The following ARHGAP15 variants were observed in gnomAD, a reference collection of about 807,000 sequenced individuals.
ARHGAP15 encodes the protein rho GTPase-activating protein 15.
A neutral mutation model predicts 63.7 loss-of-function variants in ARHGAP15; 51 were observed. The observed-to-expected ratio is 0.80, with a 90% CI of 0.64 to 1.01. The LOEUF (loss-of-function observed/expected upper bound fraction) is 1.01, where lower values mean the gene tolerates loss of function less well. Among genes scored for constraint, ARHGAP15 ranks in the 50% least tolerant of loss-of-function variants. The pLI is 0.00. For synonymous variants in ARHGAP15, 191 were observed against 193.8 expected (o/e 0.99, Z 0.12); for missense variants, 560 against 564.6 (o/e 0.99, Z 0.08).
chr2:143,235,371 T>TA (rs1377753959), intron 5 of ARHGAP15, among the ~76,000 whole-genome samples: 2 of 151,332 alleles, frequency 1.3e-5, no homozygotes, highest in African/African-American at 4.9e-5. Flanking sequence ...TGCAGGGGCA[T>TA]AAAAAACATG....
At chr2:143,573,047 T>C (rs1298793576) in intron 11 of ARHGAP15, among the ~76,000 whole-genome samples, 1 of 152,172 alleles carries the variant, frequency 6.6e-6, no homozygotes, top group Non-Finnish European at 1.5e-5. Context: ...AATATTCAGG[T>C]ACTTTTCATT....
intron 11 of ARHGAP15, among the ~76,000 whole-genome samples, chr2:143,559,197 C>G (rs540158750): frequency 1.3e-5 from 2 of 152,170 alleles, no homozygotes; most frequent in South Asian, 4.2e-4. Flanking sequence ...AGAAGCCATG[C>G]TAGAAACAAA....
intron 9 of ARHGAP15, among the ~76,000 whole-genome samples, chr2:143,511,838 C>G (rs1316530778): frequency 2.0e-5 from 3 of 152,200 alleles, no homozygotes; most frequent in African/African-American, 7.2e-5. Flanking sequence ...AATCCTACCA[C>G]AGCACTTAAA....
chr2:143,443,907 TCA>T (rs1690013445), intron 8 of ARHGAP15, among the ~76,000 whole-genome samples: 1 of 152,166 alleles, frequency 6.6e-6, no homozygotes, highest in Non-Finnish European at 1.5e-5. Flanking sequence ...TTCAAAACAT[TCA>T]GTTTTCAATG....
At chr2:143,581,791 C>T (rs1559063243) in intron 11 of ARHGAP15, among the ~76,000 whole-genome samples, 1 of 152,210 alleles carries the variant, frequency 6.6e-6, no homozygotes. Context: ...CCCAACTTCA[C>T]ATTCCCAGAA....
chr2:143,710,269 T>C (rs1208506323), intron 13 of ARHGAP15, among the ~76,000 whole-genome samples: 1 of 152,236 alleles, frequency 6.6e-6, no homozygotes. Context: ...CTGATCACTT[T>C]AAAGAGCTAA....
chr2:143,259,319 A>G (rs974395830), intron 6 of ARHGAP15, among the ~76,000 whole-genome samples: 2 of 152,164 alleles, frequency 1.3e-5, no homozygotes, highest in Non-Finnish European at 2.9e-5. Context: ...ATTTTCTACT[A>G]CAGTATCAAT....
intron 10 of ARHGAP15, among the ~76,000 whole-genome samples, chr2:143,555,993 G>C (rs1695779798): frequency 6.6e-6 from 1 of 152,014 alleles, no homozygotes; most frequent in African/African-American, 2.4e-5. Flanking sequence ...AAGAGAGACA[G>C]AAAGGCAGGA....
chr2:143,703,324 C>A, intron 12 of ARHGAP15, 95 bp from the exon 13 acceptor site: 1 of 845,746 alleles, frequency 1.2e-6, no homozygotes, highest in South Asian at 1.8e-5. Flanking sequence ...AGTTGCTAGT[C>A]TCAGTCCAAA....
intron 2 of ARHGAP15, among the ~76,000 whole-genome samples, chr2:143,180,193 G>T (rs550389806): frequency 1.3e-5 from 2 of 152,302 alleles, no homozygotes; most frequent in South Asian, 4.1e-4. Context: ...TTTCAAAATT[G>T]GAGGCAATCC....
intron 6 of ARHGAP15, among the ~76,000 whole-genome samples, chr2:143,353,812 G>A (rs1313212082): frequency 2.0e-5 from 3 of 152,192 alleles, no homozygotes; most frequent in African/African-American, 7.2e-5. Flanking sequence ...CTTAGGCATG[G>A]ATTTTTGTTT....
intron 13 of ARHGAP15, among the ~76,000 whole-genome samples, chr2:143,704,915 T>C (rs1398982276): frequency 6.6e-6 from 1 of 152,156 alleles, no homozygotes; most frequent in African/African-American, 2.4e-5. Context: ...AAAACTGAAA[T>C]CTGCCTACCA....
intron 9 of ARHGAP15, among the ~76,000 whole-genome samples, chr2:143,508,248 T>C (rs189022634): frequency 3.9e-5 from 6 of 152,308 alleles, no homozygotes; most frequent in Admixed American, 1.3e-4. Context: ...AGCAGCTTTA[T>C]ACACTTGCTG....
At chr2:143,253,297 A>C (rs1680255819) in intron 6 of ARHGAP15, among the ~76,000 whole-genome samples, 1 of 151,548 alleles carries the variant, frequency 6.6e-6, no homozygotes, top group South Asian at 2.1e-4. Flanking sequence ...AAAACAAACA[A>C]AAAATTGTAT....
chr2:143,390,710 G>A (rs1044050455), intron 6 of ARHGAP15, among the ~76,000 whole-genome samples: 2 of 143,526 alleles, frequency 1.4e-5, no homozygotes, highest in African/African-American at 5.3e-5. Context: ...ATATTTCCAA[G>A]TACACCCTTG....
rs10548238 is a variant in ARHGAP15, at chr2:143,389,106, CATTATTATTATTATT to C, written c.475-46479_475-46465del. Among the ~76,000 whole-genome samples, 3 of 146,062 alleles carry C rather than the reference CATTATTATTATTATT, an allele frequency of 2.1e-5. No homozygotes were observed. The East Asian group carries it at 6.0e-4, about 29-fold the overall frequency. ...TCTATTTTCTGTTCTTTTACTCAGACATTATTATTATTATTATTATTATTATTATTTTTTATTATT... is the reference window on the plus strand; with the variant it reads ...TCTATTTTCTGTTCTTTTACTCAGACATTATTATTATTATTTTTTATTATT... On this transcript the variant is annotated intron_variant, in intron 6 of 13. Transcript: ENST00000295095.
intron 8 of ARHGAP15, among the ~76,000 whole-genome samples, chr2:143,471,472 G>C (rs1434634882): frequency 6.6e-6 from 1 of 151,914 alleles, no homozygotes; most frequent in African/African-American, 2.4e-5. Flanking sequence ...ATTATTAAAA[G>C]AAGTAAAATA....
chr2:143,749,415 CTCTT>C (rs1269664978), intron 13 of ARHGAP15, among the ~76,000 whole-genome samples: 2 of 152,224 alleles, frequency 1.3e-5, no homozygotes, highest in African/African-American at 2.4e-5. Flanking sequence ...CCTTCTCTCT[CTCTT>C]TATTCCATTC....
At chr2:143,310,167 A>G (rs968134796) in intron 6 of ARHGAP15, among the ~76,000 whole-genome samples, 6 of 152,012 alleles carry the variant, frequency 3.9e-5, no homozygotes, top group Admixed American at 2.6e-4. Flanking sequence ...AAGCAGTCTG[A>G]TGTTATTTTT....
Sources: allele counts gnomAD v4.1 joint callset (sites outside exome capture counted in the v4.1 genomes callset), GRCh38; gene constraint gnomAD v4.1.1; transcripts MANE v1.5; gene names NCBI Gene and HGNC (gene_info 2026-07-23, HGNC 2026-07-21).